The following PRKG1 variants were observed in gnomAD, a reference collection of about 807,000 sequenced individuals.
The protein encoded by PRKG1 is cGMP-dependent protein kinase 1.
PRKG1 carries 35 observed loss-of-function variants against 88.1 expected under a neutral mutation model. The ratio of observed to expected loss-of-function variants is 0.40; its 90% CI spans 0.30 to 0.53. The LOEUF is 0.53. PRKG1 is among the 20% of genes least tolerant of loss of function. The pLI, the probability that PRKG1 is intolerant of heterozygous loss-of-function variation, is 0.59. For missense variants in PRKG1, 540 were observed against 839.8 expected, an observed-to-expected ratio of 0.64 and a Z score of 4.41; for synonymous variants, 303 against 292.5, an observed-to-expected ratio of 1.04 and a Z score of -0.37.
chr10:51,696,200 A>C (rs184020815), intron 3 of PRKG1: 1 of 152,316 alleles, frequency 6.6e-6, no homozygotes. Flanking sequence ...TGGTAAGATG[A>C]TTAATGATAG....
intron 2 of PRKG1, among the ~76,000 whole-genome samples, chr10:51,419,343 A>AGAATT (rs1838341225): frequency 1.3e-5 from 2 of 152,318 alleles, no homozygotes; most frequent in Middle Eastern, 3.4e-3. Flanking sequence ...CTTATGTAAA[A>AGAATT]GAATTGAAGG....
intron 1 of PRKG1, among the ~76,000 whole-genome samples, chr10:51,087,634 T>C (rs1844285992): frequency 2.6e-5 from 4 of 152,250 alleles, no homozygotes; most frequent in Admixed American, 1.3e-4. Flanking sequence ...AGCTCTTTGG[T>C]AATTTTTAAT....
chr10:51,927,102 C>T lies in PRKG1; in HGVS notation c.762+19532C>T, dbSNP rs1842595366. ...CCACCTGAGAATTACTGAAATGTAT[C>T]AATAGATGATATGGTTTGACCATAT... On this transcript the variant is annotated intron_variant, in intron 5 of 17. Coordinates refer to ENST00000373980, the MANE Select transcript of PRKG1 (RefSeq NM_006258.4). Among the ~76,000 whole-genome samples the T allele has an allele frequency of 3.9e-5, 6 of 151,932 alleles. No homozygotes were observed. In the South Asian group the frequency reaches 1.2e-3, roughly 31 times the overall value.
At position 50,991,235 on chromosome 10, in the gene PRKG1, C is replaced by A. The variant is rs114234235; in HGVS notation, c.-144C>A. ...GAGGCTCCCCGCGCCGCATTAGGGG[C>A]GCACTCCGCCGCGCTCGAGTACTTA... On this transcript the variant is annotated 5_prime_UTR_variant, in exon 1 of 18. Coordinates refer to the PRKG1 transcript ENST00000401604. This position sits in a 1 kb window ranked among gnomAD's most constrained non-coding sequence, Gnocchi z 4.5. 25,053 of 1,222,170 alleles carry A rather than the reference C, an allele frequency of 0.02. 462 individuals carry two copies. Among genetic ancestry groups the A allele is most frequent in the East Asian group, 0.047 (1,565 of 33,272 alleles). The allele number at this position is 1,222,170 out of a possible 1,614,324, so 75.7% of individuals were successfully genotyped here. A position where few individuals can be genotyped will look rare whatever the true frequency, so the allele number is the denominator to read the frequency against.
intron 2 of PRKG1, among the ~76,000 whole-genome samples, chr10:51,270,558 T>G (rs1839952411): frequency 6.6e-6 from 1 of 152,194 alleles, no homozygotes; most frequent in South Asian, 2.1e-4. Context: ...GAGTTACTCC[T>G]GGATCACTCA....
chr10:51,163,860 C>A (rs1405639136), intron 2 of PRKG1, among the ~76,000 whole-genome samples: 1 of 152,188 alleles, frequency 6.6e-6, no homozygotes, highest in Non-Finnish European at 1.5e-5. Context: ...CCTGCCATTG[C>A]CCAGGCTCGC....
intron 3 of PRKG1, among the ~76,000 whole-genome samples, chr10:51,722,016 G>T (rs1428443962): frequency 1.3e-5 from 2 of 152,126 alleles, no homozygotes; most frequent in Non-Finnish European, 2.9e-5. Context: ...TGGCTCAAGA[G>T]GTCAGGAGTT....
At chr10:52,133,779 A>C in intron 7 of PRKG1, 61 bp from the exon 8 acceptor site, 4 of 1,378,762 alleles carry the variant, frequency 2.9e-6, no homozygotes, top group South Asian at 2.4e-5. Flanking sequence ...ATTAATCACA[A>C]TGGACACTGT....
intron 8 of PRKG1, among the ~76,000 whole-genome samples, chr10:52,154,516 T>C (rs1838033591): frequency 6.6e-6 from 1 of 152,204 alleles, no homozygotes; most frequent in Admixed American, 6.6e-5. Flanking sequence ...GGGTGAATCA[T>C]ATATAGGAAA....
At position 51,074,559 on chromosome 10, in the gene PRKG1, G is replaced by T; in HGVS notation, c.-32G>T. 6.3e-7 allele frequency: 1 copy of T among 1,590,804 alleles called. No homozygotes were observed. Among genetic ancestry groups the T allele is most frequent in the East Asian group, 2.3e-5 (1 of 44,258 alleles). On this transcript the variant is annotated 5_prime_UTR_variant, in exon 1 of 18. Transcript: ENST00000373980. ...GGAAGCCTCAAGACGCGGAGCAGCG[G>T]CAGGAAGGAGCCCCCGGCAGCCCGG...
intron 7 of PRKG1, among the ~76,000 whole-genome samples, chr10:52,073,674 T>TA (rs1446989886): frequency 6.6e-6 from 1 of 152,140 alleles, no homozygotes; most frequent in African/African-American, 2.4e-5. Context: ...CCCAAATACA[T>TA]AGGCATGTAG....
At chr10:51,371,686 T>A (rs1422595303) in intron 2 of PRKG1, among the ~76,000 whole-genome samples, 33 of 152,170 alleles carry the variant, frequency 2.2e-4, no homozygotes, top group Admixed American at 2.1e-3. Context: ...TCTCATTCTT[T>A]GTATTCTGCA....
chr10:52,072,158 C>CTTTTTTTTTTTTTTTTTT (rs60576406), intron 7 of PRKG1, among the ~76,000 whole-genome samples: 81 of 39,570 alleles, frequency 2.0e-3, no homozygotes, highest in South Asian at 3.4e-3. Flanking sequence ...TATTGTTTTG[C>CTTTTTTTTTTTTTTTTTT]TTTTTTTTTT....
Position 51,336,309 on chromosome 10 carries a change from T to G in PRKG1, c.479-131414T>G, listed in dbSNP as rs375824378. Among the ~76,000 whole-genome samples the G allele has an allele frequency of 5.9e-5, 9 of 152,190 alleles. No individual in the cohort carries two copies. In the East Asian group the frequency reaches 1.2e-3, roughly 20 times the overall value. On this transcript the variant is annotated intron_variant, in intron 2 of 17. Transcript: ENST00000373980. Reference sequence around the variant, plus strand: ...CAGAGTTTGCAGTGAGTCGACATCATGCCTCCGCACTCCAGCCTGGGCAAC... The same window carrying G: ...CAGAGTTTGCAGTGAGTCGACATCAGGCCTCCGCACTCCAGCCTGGGCAAC...
At chr10:52,267,487 C>G (rs1440602030) in intron 10 of PRKG1, among the ~76,000 whole-genome samples, 1 of 151,898 alleles carries the variant, frequency 6.6e-6, no homozygotes, top group Non-Finnish European at 1.5e-5. Flanking sequence ...ATTGTAAAAG[C>G]AAGGTATGAG....
At chr10:51,656,405 A>G (rs72797333) in intron 3 of PRKG1, among the ~76,000 whole-genome samples, 14,061 of 152,128 alleles carry the variant, frequency 0.092, 858 homozygotes, top group Admixed American at 0.14. Context: ...CAATTCATTC[A>G]TTCAAAAAAC....
intron 7 of PRKG1, among the ~76,000 whole-genome samples, chr10:52,113,508 G>A (rs1327789608): frequency 6.6e-6 from 1 of 152,102 alleles, no homozygotes; most frequent in East Asian, 1.9e-4. Context: ...AGATTTGGCT[G>A]CTTTGTTCGT....
chr10:51,663,550 A>G (rs919711988), intron 3 of PRKG1, among the ~76,000 whole-genome samples: 4 of 124,174 alleles, frequency 3.2e-5, no homozygotes, highest in Non-Finnish European at 7.6e-5. Flanking sequence ...ACAAAAAAAG[A>G]AAAAAAAAAC....
Position 51,918,139 on chromosome 10 carries a change from G to A in PRKG1, c.762+10569G>A, listed in dbSNP as rs561159421. On this transcript the variant is annotated intron_variant, in intron 5 of 17. Coordinates refer to ENST00000373980, the MANE Select transcript of PRKG1 (RefSeq NM_006258.4). ...CCCAATGTGCAGGTGGGAAGACTGA[G>A]CCTCAGATAACACAGCGAATTAAAT... is the stretch of plus-strand genomic sequence containing the variant. Among the ~76,000 whole-genome samples, 3 of 152,230 alleles carry A rather than the reference G, an allele frequency of 2.0e-5. No homozygotes were observed. In the East Asian group the frequency reaches 5.8e-4, roughly 29 times the overall value.
Sources: allele counts gnomAD v4.1 joint callset (sites outside exome capture counted in the v4.1 genomes callset), GRCh38; gene constraint gnomAD v4.1.1; non-coding constraint Gnocchi (gnomAD v3.1); transcripts MANE v1.5; gene names NCBI Gene and HGNC (gene_info 2026-07-23, HGNC 2026-07-21).